Variants in RYR2 observed in about 807,000 individuals in gnomAD.
RYR2 encodes the protein ryanodine receptor 2.
A neutral mutation model predicts 601.1 loss-of-function variants in RYR2; 227 were observed. That is an observed-to-expected ratio of 0.38 (90% CI 0.34 to 0.42). RYR2 has a LOEUF of 0.42. Among genes scored for constraint, RYR2 ranks in the 10% least tolerant of loss-of-function variants. The probability of loss-of-function intolerance (pLI) is 1.00; values close to 1 mark genes in which losing one functional copy is unlikely to be tolerated. For missense variants in RYR2, 4,646 were observed against 6,156.5 expected (o/e 0.75, Z 8.21); for synonymous variants, 2,223 against 2,175.1 (o/e 1.02, Z -0.61).
At chr1:237,660,173 T>A in intron 55 of RYR2, 99 bp downstream of exon 55, 1 of 626,016 alleles carries the variant, frequency 1.6e-6, no homozygotes, top group Non-Finnish European at 2.4e-6. Context: ...TTCTTTATTT[T>A]AAATTTCACA....
chr1:237,121,901 G>A (rs974289629), intron 1 of RYR2, among the ~76,000 whole-genome samples: 3 of 152,210 alleles, frequency 2.0e-5, no homozygotes, highest in African/African-American at 7.2e-5. Flanking sequence ...GAAATTAAGT[G>A]TGAAATGCAG....
intron 67 of RYR2, among the ~76,000 whole-genome samples, chr1:237,706,436 T>C (rs1688384997): frequency 6.6e-6 from 1 of 152,188 alleles, no homozygotes; most frequent in African/African-American, 2.4e-5. Context: ...AAGTGCAATT[T>C]TGCTGCACAG....
At chr1:237,631,048 A>G (rs1019747062) in intron 41 of RYR2, among the ~76,000 whole-genome samples, 4 of 152,184 alleles carry the variant, frequency 2.6e-5, no homozygotes, top group Admixed American at 6.5e-5. Context: ...AAAAGCAGAG[A>G]TACTTATATA....
intron 22 of RYR2, among the ~76,000 whole-genome samples, chr1:237,506,506 C>T (rs1030499792): frequency 6.6e-6 from 1 of 151,324 alleles, no homozygotes; most frequent in Non-Finnish European, 1.5e-5. Context: ...CCACTGCACT[C>T]CAGCCTGGGC....
At chr1:237,098,387 A>ATGTGTGTGTGTGTG (rs937631817) in intron 1 of RYR2, among the ~76,000 whole-genome samples, 119 of 47,378 alleles carry the variant, frequency 2.5e-3, no homozygotes, top group African/African-American at 5.3e-3. Flanking sequence ...CATTGTGTGT[A>ATGTGTGTGTGTGTG]TGTGTGTGTG....
intron 63 of RYR2, among the ~76,000 whole-genome samples, chr1:237,694,022 C>T (rs1458396757): frequency 3.3e-5 from 5 of 152,068 alleles, no homozygotes; most frequent in Non-Finnish European, 5.9e-5. Flanking sequence ...TGGCCGGGTG[C>T]GGTGGCTCAC....
At chr1:237,457,771 G>T (rs1353604305) in intron 16 of RYR2, among the ~76,000 whole-genome samples, 1 of 152,128 alleles carries the variant, frequency 6.6e-6, no homozygotes, top group Non-Finnish European at 1.5e-5. Flanking sequence ...TGACAAATTT[G>T]CAAGATGTGC....
At chr1:237,508,116 AC>A (rs1476215522) in intron 23 of RYR2, among the ~76,000 whole-genome samples, 1 of 152,022 alleles carries the variant, frequency 6.6e-6, no homozygotes. Context: ...GGCATGCACC[AC>A]CACACGTGGC....
intron 51 of RYR2, among the ~76,000 whole-genome samples, chr1:237,653,232 T>G (rs1021086519): frequency 1.2e-4 from 18 of 152,118 alleles, no homozygotes; most frequent in Non-Finnish European, 2.2e-4. Context: ...GACAAATAAG[T>G]GATCAGAGTA....
At position 237,705,224 on chromosome 1, in the gene RYR2, C is replaced by A; in HGVS notation, c.9461C>A (p.Ala3154Glu). The change falls in exon 67 of 105, where the codon GCA (alanine) becomes GAA (glutamate). Residue 3154 changes from alanine to glutamate, a missense_variant. Physicochemically the swap from Ala to Glu is moderately radical, Grantham distance 107. Coordinates refer to ENST00000366574, the MANE Select transcript of RYR2 (RefSeq NM_001035.3). Reference sequence around the variant, plus strand: ...TTTTCCACTTATAGGCAACGTTCTGCATTAGGAGAATGTCTAGCTGCCTTT... The same window carrying A: ...TTTTCCACTTATAGGCAACGTTCTGAATTAGGAGAATGTCTAGCTGCCTTT... ...KSIYVERQRS[A>E]LGECLAAFAG... 1 of 1,607,844 alleles carries A rather than the reference C, an allele frequency of 6.2e-7. No homozygotes were observed. Among genetic ancestry groups the A allele is most frequent in the Non-Finnish European group, 8.5e-7 (1 of 1,176,422 alleles).
In RYR2 at chr1:237,655,941, G is replaced by A; in HGVS notation, c.8086G>A (p.Asp2696Asn). The change falls in exon 53 of 105, where the codon GAT (aspartate) becomes AAT (asparagine). Residue 2696 changes from aspartate (D) to asparagine (N), a missense_variant. Asp to Asn is a conservative substitution (Grantham distance 23). This residue lies in a region of RYR2 where 1,497 missense variants were observed against 1,842.6 expected (regional missense o/e 0.81). Coordinates refer to ENST00000366574, the MANE Select transcript of RYR2 (RefSeq NM_001035.3). ...VSMMEKQSSMDSEGNFNPQPV... is the reference protein window; with the variant it reads ...VSMMEKQSSMNSEGNFNPQPV... ...TATGATGGAAAAACAGTCATCAATG[G>A]ATTCTGAAGGGAACTTTAACCCACA... is the stretch of plus-strand genomic sequence containing the variant. The A allele has an allele frequency of 6.2e-7, 1 of 1,613,446 alleles. No individual in the cohort carries two copies.
intron 62 of RYR2, among the ~76,000 whole-genome samples, chr1:237,683,051 A>C (rs1573503280): frequency 6.6e-6 from 1 of 152,308 alleles, no homozygotes; most frequent in Non-Finnish European, 1.5e-5. Flanking sequence ...AATATAAAAT[A>C]TATGCTCAAA....
intron 27 of RYR2, 41 bp from the exon 28 acceptor site, chr1:237,566,526 C>T: frequency 2.5e-6 from 4 of 1,582,026 alleles, no homozygotes; most frequent in Middle Eastern, 1.7e-4. Flanking sequence ...TCTTTCACCT[C>T]CCCATCCAAT....
chr1:237,313,368 C>G (rs1219189931), intron 2 of RYR2, among the ~76,000 whole-genome samples: 1 of 152,000 alleles, frequency 6.6e-6, no homozygotes, highest in Non-Finnish European at 1.5e-5. Flanking sequence ...TGGGTGAGCT[C>G]TAAATGTAAT....
At chr1:237,268,289 A>G (rs1275185216) in intron 1 of RYR2, among the ~76,000 whole-genome samples, 1 of 152,150 alleles carries the variant, frequency 6.6e-6, no homozygotes, top group African/African-American at 2.4e-5. Flanking sequence ...ACAAAATAGT[A>G]AAAGCCTCTG....
intron 24 of RYR2, among the ~76,000 whole-genome samples, chr1:237,525,585 G>A (rs1325825087): frequency 6.6e-6 from 1 of 151,902 alleles, no homozygotes; most frequent in Non-Finnish European, 1.5e-5. Context: ...CAAGTAGCTG[G>A]GATTACAGGT....
intron 27 of RYR2, among the ~76,000 whole-genome samples, chr1:237,558,168 T>C (rs562852639): frequency 6.6e-6 from 1 of 152,278 alleles, no homozygotes; most frequent in Admixed American, 6.5e-5. Flanking sequence ...ACAACACTTA[T>C]TCCCCTAAGG....
chr1:237,186,890 C>T (rs1047932363), intron 1 of RYR2, among the ~76,000 whole-genome samples: 7 of 152,210 alleles, frequency 4.6e-5, no homozygotes, highest in African/African-American at 1.7e-4. Flanking sequence ...GGCTGCAGCC[C>T]GCATTGAGCA....
chr1:237,270,757 T>C, intron 2 of RYR2, 141 bp downstream of exon 2: 1 of 969,998 alleles, frequency 1.0e-6, no homozygotes, highest in Non-Finnish European at 1.5e-6. Context: ...CATCTCCATT[T>C]TGCTGATTTT....
Sources: allele counts gnomAD v4.1 joint callset (sites outside exome capture counted in the v4.1 genomes callset), GRCh38; gene constraint gnomAD v4.1.1; regional missense constraint gnomAD v4.1.1; transcripts MANE v1.5; gene names NCBI Gene and HGNC (gene_info 2026-07-23, HGNC 2026-07-21).